SPATA16: variants seen among roughly 807,000 people sequenced by gnomAD.
SPATA16 encodes spermatogenesis associated 16.
SPATA16 carries 36 observed loss-of-function variants against 63.3 expected under a neutral mutation model. The ratio of observed to expected loss-of-function variants is 0.57; its 90% confidence interval spans 0.44 to 0.75. The LOEUF is 0.75. SPATA16 is among the 30% of genes least tolerant of loss of function. The pLI is 0.00. For synonymous variants in SPATA16, 203 were observed against 216.7 expected (o/e 0.94, Z 0.56); for missense variants, 646 against 679.3 (o/e 0.95, Z 0.54).
chr3:172,905,624 C>T lies in SPATA16; in HGVS notation c.1587+8037G>A, dbSNP rs554007644. Among the ~76,000 whole-genome samples, 12 of 152,232 alleles carry T rather than the reference C, an allele frequency of 7.9e-5. 1 individual carries two copies. The South Asian group carries it at 2.3e-3, about 29-fold the overall frequency. ...ACATGTAACTCCATCACATTTTCAT[C>T]CTAAAAGACCAAATTAGTATATCAG... On this transcript the variant is annotated intron_variant, in intron 10 of 10. Coordinates refer to ENST00000351008, the MANE Select transcript of SPATA16 (RefSeq NM_031955.6).
At chr3:172,977,237 G>A (rs1450950979) in intron 4 of SPATA16, among the ~76,000 whole-genome samples, 185 bp from the exon 5 acceptor site, 2 of 151,164 alleles carry the variant, frequency 1.3e-5, no homozygotes, top group African/African-American at 4.8e-5. Flanking sequence ...TTTTTGGGGA[G>A]GTAGATAAAC....
rs1213897661 is a variant in SPATA16, at chr3:173,115,898, CT to C, written c.612+1221del. On this transcript the variant is annotated intron_variant, in intron 2 of 10. Coordinates refer to ENST00000351008, the MANE Select transcript of SPATA16 (RefSeq NM_031955.6). ...TTACTCTTGTGGGCATTTTTTTTTT[CT>C]TTTTTTTTTTTGACACAGAGTCTTA... Among the ~76,000 whole-genome samples the C allele has an allele frequency of 3.1e-3, 441 of 142,852 alleles. 1 individual carries two copies. Among genetic ancestry groups the C allele is most frequent in the African/African-American group, 6.9e-3 (268 of 38,776 alleles). 93.7% of individuals were successfully genotyped at this position (142,852 alleles called of 152,430 possible).
intron 5 of SPATA16, 150 bp from the exon 6 acceptor site, chr3:172,956,974 C>G: frequency 1.1e-6 from 1 of 921,266 alleles, no homozygotes. Context: ...TTCATTAGAA[C>G]AAAATTTTAA....
At chr3:172,946,797 G>A (rs1462714027) in intron 6 of SPATA16, among the ~76,000 whole-genome samples, 2 of 152,276 alleles carry the variant, frequency 1.3e-5, no homozygotes, top group East Asian at 3.9e-4. Context: ...ACGCAAGCCT[G>A]GCTGGATTCA....
chr3:173,003,467 T>C (rs1734872424), intron 4 of SPATA16, among the ~76,000 whole-genome samples: 1 of 152,202 alleles, frequency 6.6e-6, no homozygotes, highest in African/African-American at 2.4e-5. Context: ...AAGCACAAAG[T>C]CCAGATTTGC....
chr3:173,050,045 A>G (rs542759145), intron 2 of SPATA16, among the ~76,000 whole-genome samples: 1 of 152,308 alleles, frequency 6.6e-6, no homozygotes, highest in Non-Finnish European at 1.5e-5. Context: ...ATACTTATTT[A>G]TATATCCTTC....
At chr3:172,952,345 G>A (rs1402596072) in intron 6 of SPATA16, among the ~76,000 whole-genome samples, 2 of 152,206 alleles carry the variant, frequency 1.3e-5, no homozygotes, top group African/African-American at 2.4e-5. Flanking sequence ...CCAAATCTCA[G>A]TGGTCTAAAG....
intron 4 of SPATA16, among the ~76,000 whole-genome samples, chr3:173,013,714 C>A (rs1735121698): frequency 6.6e-6 from 1 of 152,200 alleles, no homozygotes; most frequent in Non-Finnish European, 1.5e-5. Flanking sequence ...ACTATGGCAC[C>A]CAGGTAGCTG....
At chr3:172,955,260 C>G (rs561181185) in intron 6 of SPATA16, among the ~76,000 whole-genome samples, 1 of 152,214 alleles carries the variant, frequency 6.6e-6, no homozygotes, top group African/African-American at 2.4e-5. Flanking sequence ...AACTGGTGAT[C>G]TCCTCAATGA....
At chr3:172,977,722 C>T (rs1479608677) in intron 4 of SPATA16, among the ~76,000 whole-genome samples, 1 of 152,066 alleles carries the variant, frequency 6.6e-6, no homozygotes, top group East Asian at 1.9e-4. Context: ...ATGACTATTT[C>T]TCTGCTAGGT....
intron 10 of SPATA16, among the ~76,000 whole-genome samples, chr3:172,905,085 C>T (rs1410178361): frequency 6.6e-6 from 1 of 152,106 alleles, no homozygotes; most frequent in East Asian, 1.9e-4. Context: ...ACTTAGGTTT[C>T]TTTCCCTGCA....
intron 1 of SPATA16, among the ~76,000 whole-genome samples, chr3:173,130,728 A>G (rs1260050062): frequency 6.6e-6 from 1 of 152,230 alleles, no homozygotes; most frequent in African/African-American, 2.4e-5. Context: ...TCTTTGCAAG[A>G]TTCTTGCTTT....
intron 2 of SPATA16, among the ~76,000 whole-genome samples, chr3:173,098,598 C>A (rs534611618): frequency 2.0e-5 from 3 of 152,068 alleles, no homozygotes; most frequent in Admixed American, 6.6e-5. Flanking sequence ...GATTTGCCAA[C>A]ATGCATGATG....
At chr3:173,067,238 G>C (rs1013302271) in intron 2 of SPATA16, among the ~76,000 whole-genome samples, 2 of 152,102 alleles carry the variant, frequency 1.3e-5, no homozygotes, top group Non-Finnish European at 2.9e-5. Flanking sequence ...CAAAGAAAAT[G>C]TGATACCTAT....
intron 3 of SPATA16, among the ~76,000 whole-genome samples, chr3:173,033,551 GA>G (rs1735650869): frequency 6.6e-6 from 1 of 152,060 alleles, no homozygotes; most frequent in African/African-American, 2.4e-5. Context: ...TCAAGGTTCA[GA>G]AACCAAAGAT....
chr3:172,918,882 A>G (rs1732558229), intron 8 of SPATA16, among the ~76,000 whole-genome samples: 1 of 152,218 alleles, frequency 6.6e-6, no homozygotes. Flanking sequence ...AATAGCAGTT[A>G]CAAATAAATA....
intron 1 of SPATA16, among the ~76,000 whole-genome samples, chr3:173,136,973 A>G (rs779540188): frequency 3.3e-5 from 5 of 152,352 alleles, no homozygotes; most frequent in Non-Finnish European, 7.4e-5. Context: ...AAACGTACCC[A>G]AAGAACCCAT....
intron 4 of SPATA16, among the ~76,000 whole-genome samples, chr3:172,982,853 G>A (rs1396157444): frequency 2.0e-5 from 3 of 152,076 alleles, no homozygotes; most frequent in African/African-American, 7.2e-5. Context: ...ATTTCTCAAG[G>A]CCTATGTTCA....
chr3:172,929,574 G>C (rs1035316747), intron 6 of SPATA16, among the ~76,000 whole-genome samples: 16 of 151,046 alleles, frequency 1.1e-4, no homozygotes, highest in Non-Finnish European at 1.9e-4. Flanking sequence ...CTCTCTCTCT[G>C]ACACACACAC....
Sources: allele counts gnomAD v4.1 joint callset (sites outside exome capture counted in the v4.1 genomes callset), GRCh38; gene constraint gnomAD v4.1.1; transcripts MANE v1.5; gene names NCBI Gene and HGNC (gene_info 2026-07-23, HGNC 2026-07-21).